Variants in ACAP2 observed in about 807,000 individuals in gnomAD.
ACAP2 encodes ArfGAP with coiled-coil, ankyrin repeat and PH domains 2, also known as arf-GAP with coiled-coil, ANK repeat and PH domain-containing protein 2.
Under a neutral mutation model 115.8 loss-of-function variants are expected in ACAP2, and 39 were observed. The ratio of observed to expected loss-of-function variants is 0.34; its 90% CI spans 0.26 to 0.44. The LOEUF is 0.44. Among genes scored for constraint, ACAP2 ranks in the 20% least tolerant of loss-of-function variants. The probability of loss-of-function intolerance (pLI) is 1.00; values close to 1 mark genes in which losing one functional copy is unlikely to be tolerated. For missense variants in ACAP2, 662 were observed against 927.6 expected, an observed-to-expected ratio of 0.71 and a Z score of 3.72; for synonymous variants, 289 against 315.8, an observed-to-expected ratio of 0.92 and a Z score of 0.90.
At chr3:195,336,645 T>C in intron 7 of ACAP2, 1 of 268,722 alleles carries the variant, frequency 3.7e-6, no homozygotes, top group Non-Finnish European at 6.9e-6. Context: ...ACTGGGCATC[T>C]AGTGCATGTA....
At chr3:195,413,907 T>A (rs964110854) in intron 1 of ACAP2, among the ~76,000 whole-genome samples, 1 of 150,900 alleles carries the variant, frequency 6.6e-6, no homozygotes, top group African/African-American at 2.4e-5. Flanking sequence ...CCCAGGAGTT[T>A]GAGGCTGCAA....
At chr3:195,414,999 A>C (rs997101750) in intron 1 of ACAP2, among the ~76,000 whole-genome samples, 2 of 152,208 alleles carry the variant, frequency 1.3e-5, no homozygotes, top group African/African-American at 4.8e-5. Flanking sequence ...GAATCAGTAA[A>C]GCCCAGAGAA....
At chr3:195,342,413 G>T (rs932791470) in intron 6 of ACAP2, 58 bp downstream of exon 6, 4 of 1,472,584 alleles carry the variant, frequency 2.7e-6, no homozygotes, top group Non-Finnish European at 3.6e-6. Flanking sequence ...TCACTCAAAA[G>T]TAACAACCTG....
chr3:195,351,759 G>A (rs113846334), intron 4 of ACAP2, among the ~76,000 whole-genome samples: 3,265 of 152,198 alleles, frequency 0.021, 113 homozygotes, highest in East Asian at 0.1. Context: ...CACCATGCCC[G>A]GCCTAAATCC....
At chr3:195,332,930 T>C (rs1227889447) in intron 8 of ACAP2, 98 bp downstream of exon 8, 6 of 784,184 alleles carry the variant, frequency 7.7e-6, no homozygotes, top group Non-Finnish European at 1.2e-5. Flanking sequence ...TTTATAGCAG[T>C]GTGAGAACAA....
At chr3:195,325,811 C>T (rs1729758499) in intron 9 of ACAP2, among the ~76,000 whole-genome samples, 1 of 152,090 alleles carries the variant, frequency 6.6e-6, no homozygotes, top group Admixed American at 6.5e-5. Context: ...TCATACTGTA[C>T]ACTCTAATTA....
chr3:195,344,900 G>A (rs1170666990), intron 5 of ACAP2, among the ~76,000 whole-genome samples: 1 of 152,154 alleles, frequency 6.6e-6, no homozygotes, highest in African/African-American at 2.4e-5. Context: ...TGAAACAATG[G>A]AAAACACAGT....
intron 20 of ACAP2, among the ~76,000 whole-genome samples, chr3:195,290,853 A>AAATT (rs1427876827): frequency 7.8e-6 from 1 of 127,568 alleles, no homozygotes; most frequent in African/African-American, 3.1e-5. Flanking sequence ...AATAAATAAT[A>AAATT]AATAAATAAA....
At chr3:195,329,090 A>AAT (rs1275894991) in intron 8 of ACAP2, among the ~76,000 whole-genome samples, 1 of 151,884 alleles carries the variant, frequency 6.6e-6, no homozygotes, top group Admixed American at 6.6e-5. Context: ...AAAAAAAAAA[A>AAT]AAAAGAAAGA....
chr3:195,413,868 TG>T (rs1334774284), intron 1 of ACAP2, among the ~76,000 whole-genome samples: 1 of 151,432 alleles, frequency 6.6e-6, no homozygotes, highest in Non-Finnish European at 1.5e-5. Context: ...CCAGCTACTC[TG>T]GAAGCTGAGG....
chr3:195,417,783 A>G (rs115361753), intron 1 of ACAP2, among the ~76,000 whole-genome samples: 1,603 of 152,186 alleles, frequency 0.011, 11 homozygotes, highest in Non-Finnish European at 0.017. Context: ...CTCCATCTCT[A>G]CAAAAAATTT....
Position 195,279,217 on chromosome 3 carries a change from T to C in ACAP2, c.*111A>G. ...GAATGGGTACCTCTTTTCCAAGCCA[T>C]TCAATATCTACCAAAATTAAGTAGA... is the stretch of plus-strand genomic sequence containing the variant. On this transcript the variant is annotated 3_prime_UTR_variant, in exon 23 of 23. Transcript: ENST00000326793. The C allele has an allele frequency of 3.0e-6, 2 of 675,860 alleles. No individual in the cohort carries two copies. Among genetic ancestry groups the C allele is most frequent in the Non-Finnish European group, 5.0e-6 (2 of 402,768 alleles). The allele number at this position is 675,860 out of a possible 1,614,324, so 41.9% of individuals were successfully genotyped here. A position where few individuals can be genotyped will look rare whatever the true frequency, so the allele number is the denominator to read the frequency against.
chr3:195,354,645 GTTTC>G (rs746284685), intron 4 of ACAP2, among the ~76,000 whole-genome samples: 20 of 152,162 alleles, frequency 1.3e-4, no homozygotes, highest in Non-Finnish European at 2.8e-4. Context: ...TCTGCTGACA[GTTTC>G]TTTGATTGTG....
intron 1 of ACAP2, among the ~76,000 whole-genome samples, chr3:195,412,344 G>A (rs1713344590): frequency 6.6e-6 from 1 of 151,402 alleles, no homozygotes; most frequent in Admixed American, 6.6e-5. Context: ...CACTTTCAGA[G>A]GCCAAGGTGG....
chr3:195,298,250 CTCTTTTTT>C (rs1560213797), intron 15 of ACAP2, among the ~76,000 whole-genome samples: 1 of 119,226 alleles, frequency 8.4e-6, no homozygotes, highest in Non-Finnish European at 1.7e-5. Context: ...CCTTTCTCTC[CTCTTTTTT>C]TTTTTTTTTT....
intron 1 of ACAP2, among the ~76,000 whole-genome samples, chr3:195,439,128 A>G (rs1378906617): frequency 6.6e-6 from 1 of 151,978 alleles, no homozygotes; most frequent in East Asian, 1.9e-4. Flanking sequence ...GGTGTATGAT[A>G]GACATTGTTA....
intron 8 of ACAP2, among the ~76,000 whole-genome samples, chr3:195,330,360 G>C (rs1730087180): frequency 6.6e-6 from 1 of 152,022 alleles, no homozygotes; most frequent in Non-Finnish European, 1.5e-5. Flanking sequence ...ATAGGCTCTG[G>C]GGCTTAGATG....
chr3:195,295,713 C>A lies in ACAP2; in HGVS notation c.1667G>T (p.Ser556Ile). Residue 556 changes from serine (S) to isoleucine (I), a missense_variant, in exon 17 of 23, where the codon AGT becomes ATT. Around this residue, in one of 3 missense-constraint regions of ACAP2, gnomAD observed 133 missense variants for 123.1 expected, o/e 1.08. Coordinates refer to ENST00000326793, the MANE Select transcript of ACAP2 (RefSeq NM_012287.6). ...PGDQVRASAQSSVRSNDSGIQ... is the reference protein window; with the variant it reads ...PGDQVRASAQISVRSNDSGIQ... ...AGTAAGAAAGTTTGCCATACCTGAA[C>A]TTTGGGCAGATGCTCTGACTTGGTC... 1 of 1,614,050 alleles carries A rather than the reference C, an allele frequency of 6.2e-7. No individual in the cohort carries two copies.
intron 1 of ACAP2, among the ~76,000 whole-genome samples, chr3:195,401,491 C>T (rs971416914): frequency 1.3e-5 from 2 of 152,010 alleles, no homozygotes; most frequent in Non-Finnish European, 2.9e-5. Context: ...GCAGTGAAAC[C>T]CTGTCTGTAC....
Sources: allele counts gnomAD v4.1 joint callset (sites outside exome capture counted in the v4.1 genomes callset), GRCh38; gene constraint gnomAD v4.1.1; regional missense constraint gnomAD v4.1.1; transcripts MANE v1.5; gene names NCBI Gene and HGNC (gene_info 2026-07-23, HGNC 2026-07-21).